Variants in PLXNA2 observed in about 807,000 individuals in gnomAD.
The protein encoded by PLXNA2 is plexin A2, also known as plexin-A2.
Under a neutral mutation model 193.5 loss-of-function variants are expected in PLXNA2, and 91 were observed. The ratio of observed to expected loss-of-function variants is 0.47; its 90% confidence interval spans 0.40 to 0.56. PLXNA2 has a LOEUF of 0.56. PLXNA2 is among the 20% of genes least tolerant of loss of function. PLXNA2 has a pLI of 0.00. For missense variants in PLXNA2, 1,995 were observed against 2,503.2 expected (o/e 0.80, Z 4.33); for synonymous variants, 997 against 1,027.3 (o/e 0.97, Z 0.56).
At chr1:208,106,069 A>ATTT (rs5780430) in intron 4 of PLXNA2, among the ~76,000 whole-genome samples, 161 of 145,518 alleles carry the variant, frequency 1.1e-3, no homozygotes, top group Admixed American at 1.6e-3. Context: ...CCTCCTGGTG[A>ATTT]TTTTTTTTTT....
intron 3 of PLXNA2, among the ~76,000 whole-genome samples, chr1:208,182,310 A>C: frequency 6.6e-6 from 1 of 152,146 alleles, no homozygotes; most frequent in East Asian, 1.9e-4. Context: ...GTGCCTGCCT[A>C]TAATCCCAGC....
Position 208,236,635 on chromosome 1 carries a change from C to T in PLXNA2, c.-81+7008G>A, listed in dbSNP as rs370515027. 9.1e-4 allele frequency among the ~76,000 whole-genome samples: 138 copies of T among 152,296 alleles called. No homozygotes were observed. The highest frequency in any genetic ancestry group is 3.1e-3 in the African/African-American group (130 of 41,564). On this transcript the variant is annotated intron_variant, in intron 1 of 31. Coordinates refer to ENST00000367033, the MANE Select transcript of PLXNA2 (RefSeq NM_025179.4). This position sits in a 1 kb window ranked among gnomAD's most constrained non-coding sequence, Gnocchi z 4.4. ...CGCTGACATTCTGAGCTGTCCCTGGCGTGTTCTCGTTCACTCAGTGAGTTG... is the reference window on the plus strand; with the variant it reads ...CGCTGACATTCTGAGCTGTCCCTGGTGTGTTCTCGTTCACTCAGTGAGTTG...
chr1:208,211,662 C>A (rs1250657183), intron 2 of PLXNA2, among the ~76,000 whole-genome samples: 1 of 148,110 alleles, frequency 6.8e-6, no homozygotes, highest in Admixed American at 6.8e-5. Context: ...CACTGCACTC[C>A]AGCCTGGGCG....
At chr1:208,110,488 GACCGAGCT>G (rs1340010472) in intron 4 of PLXNA2, among the ~76,000 whole-genome samples, 3 of 152,244 alleles carry the variant, frequency 2.0e-5, no homozygotes, top group Non-Finnish European at 4.4e-5. Flanking sequence ...CTGGGCAGTG[GACCGAGCT>G]TGTTGAATGG....
chr1:208,042,036 T>TCCAG (rs1664886715), intron 22 of PLXNA2, 62 bp downstream of exon 22: 1 of 1,548,190 alleles, frequency 6.5e-7, no homozygotes. Context: ...CCTGCTATAA[T>TCCAG]GAGGTGCTCT....
intron 19 of PLXNA2, 57 bp downstream of exon 19, chr1:208,045,010 G>A: frequency 1.9e-6 from 3 of 1,603,142 alleles, no homozygotes; most frequent in Non-Finnish European, 2.6e-6. Context: ...CCTTAGGACA[G>A]ATCACACATG....
At chr1:208,209,997 T>TTTTTTTTTTTTTG (rs1670880518) in intron 3 of PLXNA2, 1 of 176,720 alleles carries the variant, frequency 5.7e-6, no homozygotes, top group Non-Finnish European at 1.2e-5. Flanking sequence ...TTTTTTTTTT[T>TTTTTTTTTTTTTG]TTTTTTTGCT....
In PLXNA2 at chr1:208,103,179, G is replaced by T; in HGVS notation, c.1575C>A (p.Asp525Glu). 1 of 1,614,044 alleles carries T rather than the reference G, an allele frequency of 6.2e-7. No homozygotes were observed. Among genetic ancestry groups the T allele is most frequent in the Non-Finnish European group, 8.5e-7 (1 of 1,179,974 alleles). The change falls in exon 5 of 32, where the codon GAC becomes GAA. Residue 525 changes from aspartate to glutamate, a missense_variant. Around this residue, in one of 3 missense-constraint regions of PLXNA2, gnomAD observed 702 missense variants for 812.9 expected, o/e 0.86. Coordinates refer to ENST00000367033, the MANE Select transcript of PLXNA2 (RefSeq NM_025179.4). ...TTCGECLSSGDPHCGWCALHN... is the reference protein window; with the variant it reads ...TTCGECLSSGEPHCGWCALHN... ...GCAGGGCACACCAGCCACAGTGAGG[G>T]TCCCCAGAGCTCAGGCACTCCCCAC...
rs1345959771 is a variant in PLXNA2, at chr1:208,175,531, T to G, written c.1372-33068A>C. ...GGAAGAGGAAGAATGTAAAATGGCC[T>G]CCAAAGGATTCTCTTAGGGTAAAGG... On this transcript the variant is annotated intron_variant, in intron 3 of 31. Coordinates refer to ENST00000367033, the MANE Select transcript of PLXNA2 (RefSeq NM_025179.4). 2.0e-5 allele frequency among the ~76,000 whole-genome samples: 3 copies of G among 151,264 alleles called. No homozygotes were observed. The East Asian group carries it at 5.9e-4, about 30-fold the overall frequency.
chr1:208,068,857 C>T (rs1476451901), intron 12 of PLXNA2, among the ~76,000 whole-genome samples: 2 of 152,184 alleles, frequency 1.3e-5, no homozygotes, highest in Non-Finnish European at 1.5e-5. Flanking sequence ...ACAGCAAGTA[C>T]GGAAAGCTGT....
chr1:208,196,355 A>G (rs1015952937), intron 3 of PLXNA2, among the ~76,000 whole-genome samples: 1 of 152,238 alleles, frequency 6.6e-6, no homozygotes, highest in Non-Finnish European at 1.5e-5. Flanking sequence ...AAACAAAAAA[A>G]AAACCATGTT....
At chr1:208,116,534 G>A (rs145131371) in intron 4 of PLXNA2, among the ~76,000 whole-genome samples, 205 of 152,246 alleles carry the variant, frequency 1.3e-3, no homozygotes, top group African/African-American at 4.4e-3. Context: ...TGACTTGAGG[G>A]CTTTTAAAAT....
At chr1:208,087,932 CAT>C (rs745778568) in intron 9 of PLXNA2, among the ~76,000 whole-genome samples, 1 of 152,278 alleles carries the variant, frequency 6.6e-6, no homozygotes, top group East Asian at 1.9e-4. Context: ...CAGGCACACA[CAT>C]GTGTACATAC....
chr1:208,039,406 A>G (rs1348432499), intron 24 of PLXNA2, among the ~76,000 whole-genome samples: 1 of 145,188 alleles, frequency 6.9e-6, no homozygotes, highest in Non-Finnish European at 1.5e-5. Context: ...TTCTCCCCCA[A>G]TATTATCTAG....
intron 3 of PLXNA2, among the ~76,000 whole-genome samples, chr1:208,204,570 C>T (rs1309041594): frequency 6.6e-6 from 1 of 152,222 alleles, no homozygotes; most frequent in Non-Finnish European, 1.5e-5. Context: ...ACCTTCCTTC[C>T]TTCGCAACCA....
chr1:208,059,301 C>T (rs544506101), intron 13 of PLXNA2, among the ~76,000 whole-genome samples: 2 of 152,328 alleles, frequency 1.3e-5, no homozygotes, highest in African/African-American at 4.8e-5. Context: ...CATCTCTGTC[C>T]TATAGGCCCA....
At chr1:208,066,145 C>G (rs766170127) in intron 12 of PLXNA2, among the ~76,000 whole-genome samples, 1 of 152,146 alleles carries the variant, frequency 6.6e-6, no homozygotes, top group African/African-American at 2.4e-5. Context: ...TGACTCATTT[C>G]AGCCCCAAGC....
intron 3 of PLXNA2, among the ~76,000 whole-genome samples, chr1:208,160,441 C>A (rs896346437): frequency 2.6e-5 from 4 of 152,188 alleles, no homozygotes; most frequent in African/African-American, 9.7e-5. Flanking sequence ...GGCCCTGACC[C>A]AGGCATGGGA....
rs2102613685 is a variant in PLXNA2 at position 208,217,607 on chromosome 1, C to A, written c.316G>T (p.Val106Leu). The change falls in exon 2 of 32, where the codon GTG becomes TTG. Residue 106 changes from valine to leucine, a missense_variant. Val to Leu is a conservative substitution (Grantham distance 32). Around this residue, in one of 3 missense-constraint regions of PLXNA2, gnomAD observed 702 missense variants for 812.9 expected, o/e 0.86. Coordinates refer to ENST00000367033, the MANE Select transcript of PLXNA2 (RefSeq NM_025179.4). This position sits in a 1 kb window ranked among gnomAD's most constrained non-coding sequence, Gnocchi z 4.7. The stretch of plus-strand genomic sequence containing the variant: ...TTGACATTGTTGGTGAGGGTGAGCA[C>A]TTCGCTGCAGGGCTGCACGATGAGG... ...PPLIVQPCSE[V>L]LTLTNNVNKL... is the part of the protein sequence containing the mutation. 1 of 1,614,204 alleles carries A rather than the reference C, an allele frequency of 6.2e-7. No homozygotes were observed. The highest frequency in any genetic ancestry group is 1.3e-5 in the African/African-American group (1 of 75,054).
Sources: gnomAD v4.1 joint callset for allele counts (sites outside exome capture counted in the v4.1 genomes callset) on GRCh38, gnomAD v4.1.1 for gene constraint, gnomAD v4.1.1 regional missense constraint, Gnocchi (gnomAD v3.1) non-coding constraint, MANE v1.5 for transcripts, NCBI Gene and HGNC (gene_info 2026-07-23, HGNC 2026-07-21) for gene names.